Variants in SENP8 observed in about 807,000 individuals in gnomAD.
SENP8 encodes SUMO peptidase family member, NEDD8 specific.
SENP8 carries 10 observed loss-of-function variants against 14.4 expected under a neutral mutation model. The observed-to-expected ratio is 0.69, with a 90% CI of 0.43 to 1.18. SENP8 has a LOEUF of 1.18. SENP8 is among the 50% of genes most tolerant of loss of function. The probability of loss-of-function intolerance (pLI) is 0.00; values close to 1 mark genes in which losing one functional copy is unlikely to be tolerated. For synonymous variants in SENP8, 94 were observed against 95.5 expected, an observed-to-expected ratio of 0.98 and a Z score of 0.09; for missense variants, 202 against 249.4, an observed-to-expected ratio of 0.81 and a Z score of 1.28.
chr15:72,115,719 A>G (rs1215750145), upstream of SENP8, among the ~76,000 whole-genome samples: 2 of 152,250 alleles, frequency 1.3e-5, no homozygotes, highest in African/African-American at 4.8e-5. Context: ...TATTATAATC[A>G]TCATCACAGC....
At chr15:72,121,713 G>C (rs1596641343) in intron 1 of SENP8, among the ~76,000 whole-genome samples, 1 of 152,284 alleles carries the variant, frequency 6.6e-6, no homozygotes, top group East Asian at 1.9e-4. Context: ...GTGACAGAGA[G>C]CCTGTCTCCA....
intron 1 of SENP8, chr15:72,135,101 A>G (rs4776585): frequency 0.97 from 214,506 of 221,670 alleles, 104,210 homozygotes; most frequent in East Asian, 1. Flanking sequence ...TGGCTCTGTC[A>G]CCCAGGCTGG....
At chr15:72,125,486 T>C (rs1220719385) in intron 1 of SENP8, among the ~76,000 whole-genome samples, 2 of 152,152 alleles carry the variant, frequency 1.3e-5, no homozygotes, top group African/African-American at 4.8e-5. Flanking sequence ...ATTTGTATTC[T>C]ATCTAAAATA....
chr15:72,132,542 C>T (rs1172848953), intron 1 of SENP8, among the ~76,000 whole-genome samples: 1 of 151,824 alleles, frequency 6.6e-6, no homozygotes, highest in South Asian at 2.1e-4. Context: ...ATAGATGGCT[C>T]TTGGTTTTTT....
intron 1 of SENP8, among the ~76,000 whole-genome samples, chr15:72,134,314 T>C (rs1015297675): frequency 6.6e-6 from 1 of 152,208 alleles, no homozygotes; most frequent in African/African-American, 2.4e-5. Flanking sequence ...GCACGGTGGC[T>C]CACACCTGTA....
In SENP8 at chr15:72,140,195, C is replaced by T. The variant is rs1251024819; in HGVS notation, c.572C>T (p.Thr191Ile). ...QQTESLLQLLTPAYITKKRGE... is the reference protein window; with the variant it reads ...QQTESLLQLLIPAYITKKRGE... ...ACAGAATCACTGCTGCAGCTACTCA[C>T]CCCTGCATACATCACAAAGAAGAGG... The change falls in exon 2 of 2, where the codon ACC becomes ATC. Residue 191 changes from threonine to isoleucine, a missense_variant. Thr to Ile is a moderately conservative substitution (Grantham distance 89). Transcript: ENST00000340912. 6.2e-6 allele frequency: 10 copies of T among 1,614,028 alleles called. No individual in the cohort carries two copies. Among genetic ancestry groups the T allele is most frequent in the African/African-American group, 1.3e-5 (1 of 74,940 alleles).
At chr15:72,130,497 G>A (rs1025966049) in intron 1 of SENP8, among the ~76,000 whole-genome samples, 1 of 150,354 alleles carries the variant, frequency 6.7e-6, no homozygotes, top group Non-Finnish European at 1.5e-5. Context: ...CAGTGGGCCA[G>A]ATTTGGCCTG....
chr15:72,133,599 C>T (rs2081296713), intron 1 of SENP8, among the ~76,000 whole-genome samples: 1 of 152,178 alleles, frequency 6.6e-6, no homozygotes, highest in Non-Finnish European at 1.5e-5. Context: ...CTTGTGAATT[C>T]CCATACATTC....
intron 1 of SENP8, among the ~76,000 whole-genome samples, chr15:72,138,436 A>G (rs895147127): frequency 6.8e-6 from 1 of 145,988 alleles, no homozygotes; most frequent in Non-Finnish European, 1.5e-5. Flanking sequence ...TGCAACCTCC[A>G]CCTTCCAGGT....
rs181164912 is a variant in SENP8 at position 72,124,619 on chromosome 15, G to A, written c.-48+6155G>A. On this transcript the variant is annotated intron_variant, in intron 1 of 1. Coordinates refer to ENST00000340912, the MANE Select transcript of SENP8 (RefSeq NM_145204.4). ...TTTGTGTTTGAACATTTATGGAAAA[G>A]AGATTAGATTTACCTGTTTTATCCA... 3.5e-3 allele frequency among the ~76,000 whole-genome samples: 533 copies of A among 152,266 alleles called. 4 individuals are homozygous for A. Among genetic ancestry groups the A allele is most frequent in the Middle Eastern group, 0.01 (3 of 294 alleles).
In SENP8 at chr15:72,135,022, G is replaced by T. The variant is rs1483061135; in HGVS notation, c.-47-4555G>T. Reference sequence around the variant, plus strand: ...GAAAAGAGCCTGGGTTCACCCTGAAGCACCAGCCTGCTCCACCCAGAGAAG... The same window carrying T: ...GAAAAGAGCCTGGGTTCACCCTGAATCACCAGCCTGCTCCACCCAGAGAAG... On this transcript the variant is annotated intron_variant, in intron 1 of 1. Coordinates refer to ENST00000340912, the MANE Select transcript of SENP8 (RefSeq NM_145204.4). The T allele has an allele frequency of 8.9e-6, 3 of 336,262 alleles. No homozygotes were observed. In the Admixed American group the frequency reaches 1.1e-4, roughly 12 times the overall value. 20.8% of individuals were successfully genotyped at this position (336,262 alleles called of 1,614,324 possible).
rs2081364146 is a variant in SENP8 at position 72,139,902 on chromosome 15, C to T, written c.279C>T (p.Asn93=). The change falls in exon 2 of 2, where the codon AAC becomes AAT. Residue 93 remains asparagine (N), a synonymous_variant. Transcript: ENST00000340912. ...TTGTATTTTTAGCCATCAATGATAA[C>T]TCCAACCAGGCAGCTGGAGGAACCC... The part of the protein sequence containing the change: ...KRVVFLAIND[N]SNQAAGGTHW... 2 of 1,614,220 alleles carry T rather than the reference C, an allele frequency of 1.2e-6. No individual in the cohort carries two copies. Among genetic ancestry groups the T allele is most frequent in the Non-Finnish European group, 8.5e-7 (1 of 1,180,018 alleles).
chr15:72,134,992 A>G (rs2081312497), intron 1 of SENP8: 1 of 314,384 alleles, frequency 3.2e-6, no homozygotes, highest in South Asian at 2.9e-5. Context: ...GAAGGAAGCC[A>G]AAGAGAAAAG....
rs908575997 is a variant in SENP8 at position 72,139,948 on chromosome 15, C to A, written c.325C>A (p.Leu109Ile). The change falls in exon 2 of 2, where the codon CTC becomes ATC. Residue 109 changes from leucine to isoleucine, a missense_variant. Coordinates refer to ENST00000340912, the MANE Select transcript of SENP8 (RefSeq NM_145204.4). ...GGTHWSLLVY[L>I]QDKNSFFHYD... ...AACCCACTGGAGTTTATTGGTCTAC[C>A]TCCAAGATAAAAATAGCTTTTTTCA... 1.7e-5 allele frequency: 27 copies of A among 1,614,080 alleles called. No individual in the cohort carries two copies. Among genetic ancestry groups the A allele is most frequent in the Non-Finnish European group, 2.1e-5 (25 of 1,180,042 alleles).
chr15:72,117,040 C>T (rs2081007773), upstream of SENP8: 1 of 152,146 alleles, frequency 6.6e-6, no homozygotes, highest in African/African-American at 2.4e-5. Flanking sequence ...GAAAGGATCG[C>T]GACTAAGGAG....
intron 1 of SENP8, among the ~76,000 whole-genome samples, chr15:72,121,235 C>G (rs139807982): frequency 2.0e-5 from 3 of 152,016 alleles, no homozygotes; most frequent in Non-Finnish European, 4.4e-5. Flanking sequence ...TAGATTGGGG[C>G]TATTTTTGTG....
rs2081381682 is a variant in SENP8 at position 72,141,740 on chromosome 15, C to T, written c.*1478C>T. 1 of 152,148 alleles carries T rather than the reference C, an allele frequency of 6.6e-6. No individual in the cohort carries two copies. Among genetic ancestry groups the T allele is most frequent in the South Asian group, 2.1e-4 (1 of 4,832 alleles). The allele number at this position is 152,148 out of a possible 1,614,324, so 9.4% of individuals were successfully genotyped here. On this transcript the variant is annotated 3_prime_UTR_variant, in exon 2 of 2. Transcript: ENST00000340912. ...AAGCTATCAAAAAAAGTTTCCATTTCAAGTCGGTACATTTTGGATAAAAAC... is the reference window on the plus strand; with the variant it reads ...AAGCTATCAAAAAAAGTTTCCATTTTAAGTCGGTACATTTTGGATAAAAAC...
chr15:72,127,321 G>A (rs2081230568), intron 1 of SENP8, among the ~76,000 whole-genome samples: 1 of 152,198 alleles, frequency 6.6e-6, no homozygotes, highest in Non-Finnish European at 1.5e-5. Context: ...TGAAATTAGA[G>A]TGATAGTAAC....
At chr15:72,134,512 G>A (rs1277720711) in intron 1 of SENP8, 1 of 152,594 alleles carries the variant, frequency 6.6e-6, no homozygotes, top group African/African-American at 2.4e-5. Flanking sequence ...CTAGGAGTTT[G>A]AGGCTGCTCC....
Sources: gnomAD v4.1 joint callset for allele counts (sites outside exome capture counted in the v4.1 genomes callset) on GRCh38, gnomAD v4.1.1 for gene constraint, MANE v1.5 for transcripts, NCBI Gene and HGNC (gene_info 2026-07-23, HGNC 2026-07-21) for gene names.